The following ZNF385D variants were observed in gnomAD, a reference collection of about 807,000 sequenced individuals.
ZNF385D encodes zinc finger protein 659.
In ZNF385D, 15 loss-of-function variants were observed where a neutral mutation model predicts 35.8. The observed-to-expected ratio is 0.42, with a 90% CI of 0.28 to 0.64. The LOEUF is 0.64. Among genes scored for constraint, ZNF385D ranks in the 30% least tolerant of loss-of-function variants. The probability of loss-of-function intolerance (pLI) is 0.23; values close to 1 mark genes in which losing one functional copy is unlikely to be tolerated. For synonymous variants in ZNF385D, 212 were observed against 186.8 expected, an observed-to-expected ratio of 1.13 and a Z score of -1.10; for missense variants, 474 against 494.6, an observed-to-expected ratio of 0.96 and a Z score of 0.39.
At chr3:22,084,431 G>C (rs1351322099) in intron 3 of ZNF385D, among the ~76,000 whole-genome samples, 3 of 152,126 alleles carry the variant, frequency 2.0e-5, no homozygotes, top group East Asian at 3.9e-4. Flanking sequence ...TGCAATCCTA[G>C]TCTCTGATTA....
intron 3 of ZNF385D, among the ~76,000 whole-genome samples, chr3:22,159,251 A>G (rs527805314): frequency 4.6e-5 from 7 of 152,268 alleles, no homozygotes; most frequent in African/African-American, 1.7e-4. Flanking sequence ...GCAGAGAAGC[A>G]CAAATGAAAA....
chr3:21,896,534 T>C (rs895862698), intron 3 of ZNF385D, among the ~76,000 whole-genome samples: 2 of 152,204 alleles, frequency 1.3e-5, no homozygotes, highest in African/African-American at 4.8e-5. Flanking sequence ...GGGCCTTTTT[T>C]TCCCCCTGGT....
intron 3 of ZNF385D, among the ~76,000 whole-genome samples, chr3:21,868,387 AT>A (rs1371553997): frequency 6.6e-6 from 1 of 152,174 alleles, no homozygotes; most frequent in African/African-American, 2.4e-5. Context: ...TAATAGGGGA[AT>A]GTGAGTATAT....
At chr3:22,220,341 A>C (rs556084319) in intron 2 of ZNF385D, among the ~76,000 whole-genome samples, 2 of 152,268 alleles carry the variant, frequency 1.3e-5, no homozygotes, top group South Asian at 4.1e-4. Context: ...CTGGAATTAC[A>C]GGACACTTTA....
At chr3:22,134,287 C>G (rs1703973625) in intron 3 of ZNF385D, 1 of 151,766 alleles carries the variant, frequency 6.6e-6, no homozygotes, top group Non-Finnish European at 1.5e-5. Flanking sequence ...AAATGTAATT[C>G]AGAACAAAAA....
intron 2 of ZNF385D, among the ~76,000 whole-genome samples, chr3:21,597,178 A>G (rs2064150536): frequency 6.6e-6 from 1 of 152,200 alleles, no homozygotes; most frequent in Non-Finnish European, 1.5e-5. Context: ...ACCAATTATA[A>G]TTTACAACCT....
chr3:22,265,165 C>A (rs1027918857), intron 2 of ZNF385D, among the ~76,000 whole-genome samples: 1 of 151,848 alleles, frequency 6.6e-6, no homozygotes, highest in Non-Finnish European at 1.5e-5. Context: ...AATATAATTG[C>A]AAATTGTGGT....
intron 3 of ZNF385D, among the ~76,000 whole-genome samples, chr3:22,116,968 T>C (rs1702844145): frequency 1.3e-5 from 2 of 152,112 alleles, no homozygotes; most frequent in South Asian, 4.1e-4. Context: ...TGGTTAAAAT[T>C]TGTTACCCTC....
intron 3 of ZNF385D, among the ~76,000 whole-genome samples, chr3:22,132,018 T>C (rs1703826548): frequency 6.6e-6 from 1 of 152,296 alleles, no homozygotes; most frequent in Admixed American, 6.5e-5. Context: ...GAGAATTGCA[T>C]TATATAACTA....
At chr3:22,214,415 A>G (rs867863971) in intron 2 of ZNF385D, among the ~76,000 whole-genome samples, 54 of 152,250 alleles carry the variant, frequency 3.5e-4, no homozygotes, top group Middle Eastern at 6.8e-3. Context: ...CCTTGAAAAA[A>G]GAACAGGATA....
intron 3 of ZNF385D, among the ~76,000 whole-genome samples, chr3:21,558,099 C>T (rs2062804837): frequency 6.8e-6 from 1 of 148,014 alleles, no homozygotes; most frequent in Non-Finnish European, 1.5e-5. Flanking sequence ...AAATCAGCTC[C>T]TGGATTCATT....
chr3:21,833,711 T>C (rs1165225285), intron 3 of ZNF385D, among the ~76,000 whole-genome samples: 2 of 152,144 alleles, frequency 1.3e-5, no homozygotes, highest in Non-Finnish European at 2.9e-5. Flanking sequence ...GCAGGAGACT[T>C]GGAATCAAAT....
At chr3:21,791,776 T>C (rs2071936621) in intron 3 of ZNF385D, among the ~76,000 whole-genome samples, 1 of 152,188 alleles carries the variant, frequency 6.6e-6, no homozygotes, top group Non-Finnish European at 1.5e-5. Context: ...CACTCTGTCA[T>C]CAGGCTGGAG....
At chr3:21,529,494 T>C (rs1250836368) in intron 3 of ZNF385D, among the ~76,000 whole-genome samples, 2 of 152,180 alleles carry the variant, frequency 1.3e-5, no homozygotes. Flanking sequence ...GAAAGATTTT[T>C]TTAAAAATTC....
chr3:21,502,114 G>A (rs1027528913), intron 4 of ZNF385D, among the ~76,000 whole-genome samples: 1 of 152,098 alleles, frequency 6.6e-6, no homozygotes, highest in African/African-American at 2.4e-5. Flanking sequence ...AGGGGTGGGG[G>A]TGCTTTCTCT....
Position 22,126,313 on chromosome 3 carries a change from T to G in ZNF385D, c.325+42504A>C, listed in dbSNP as rs1209693606. On this transcript the variant is annotated intron_variant, in intron 3 of 5. Transcript: ENST00000494108. ...TTAGGTTATGTATTTGAAAGTTGTTTTTTTTTTTTTTTTTTTTCACTTTTT... is the reference window on the plus strand; with the variant it reads ...TTAGGTTATGTATTTGAAAGTTGTTGTTTTTTTTTTTTTTTTTCACTTTTT... 1.2e-3 allele frequency among the ~76,000 whole-genome samples: 58 copies of G among 47,606 alleles called. No individual in the cohort carries two copies. The South Asian group carries it at 0.034, about 28-fold the overall frequency. 31.2% of individuals were successfully genotyped at this position (47,606 alleles called of 152,430 possible).
chr3:22,086,593 A>G (rs1701057761), intron 3 of ZNF385D, among the ~76,000 whole-genome samples: 1 of 152,208 alleles, frequency 6.6e-6, no homozygotes, highest in Admixed American at 6.5e-5. Context: ...ATAGATAGGA[A>G]GAATCAATAT....
Position 21,824,461 on chromosome 3 carries a change from A to C in ZNF385D, c.326-159433T>G, listed in dbSNP as rs182771305. Among the ~76,000 whole-genome samples, 526 of 152,230 alleles carry C rather than the reference A, an allele frequency of 3.5e-3. 6 individuals carry two copies. The highest frequency in any genetic ancestry group is 0.012 in the African/African-American group (481 of 41,528). ...TAAAAGGTCTCTCCCTTTCTCTCTC[A>C]CACACAAATATGTCTATATGCATAT... is the stretch of plus-strand genomic sequence containing the variant. On this transcript the variant is annotated intron_variant, in intron 3 of 5. Coordinates refer to the ZNF385D transcript ENST00000494108.
intron 3 of ZNF385D, among the ~76,000 whole-genome samples, chr3:22,092,167 A>T (rs1301475381): frequency 6.6e-6 from 1 of 152,186 alleles, no homozygotes; most frequent in Non-Finnish European, 1.5e-5. Flanking sequence ...TTGAAAGTTC[A>T]CAATTTACTG....
Sources: allele counts gnomAD v4.1 joint callset (sites outside exome capture counted in the v4.1 genomes callset), GRCh38; gene constraint gnomAD v4.1.1; transcripts MANE v1.5; gene names NCBI Gene and HGNC (gene_info 2026-07-23, HGNC 2026-07-21).